The following ZSCAN30 variants were observed in gnomAD, a reference collection of about 807,000 sequenced individuals.
ZSCAN30 encodes the protein zinc finger and SCAN domain containing 30.
A neutral mutation model predicts 44.3 loss-of-function variants in ZSCAN30; 37 were observed. The observed-to-expected ratio is 0.84, with a 90% CI of 0.64 to 1.10. ZSCAN30 has a LOEUF of 1.10. Among genes scored for constraint, ZSCAN30 ranks in the 50% least tolerant of loss-of-function variants. The pLI is 0.00. For synonymous variants in ZSCAN30, 181 were observed against 204.6 expected, an observed-to-expected ratio of 0.88 and a Z score of 0.98; for missense variants, 549 against 582.6, an observed-to-expected ratio of 0.94 and a Z score of 0.59.
chr18:35,267,517 C>G (rs2044184327), intron 1 of ZSCAN30: 2 of 152,054 alleles, frequency 1.3e-5, no homozygotes, highest in Non-Finnish European at 1.5e-5. Context: ...CCCCCGGGAG[C>G]GAGAACAATG....
chr18:35,251,594 T>C lies in ZSCAN30; in HGVS notation c.*1856A>G, dbSNP rs974729148. 5 of 152,092 alleles carry C rather than the reference T, an allele frequency of 3.3e-5. No homozygotes were observed. The highest frequency in any genetic ancestry group is 7.2e-5 in the African/African-American group (3 of 41,380). 9.4% of individuals were successfully genotyped at this position (152,092 alleles called of 1,614,324 possible). Reference sequence around the variant, plus strand: ...AGGGAGGGTCGTGGTGGGAGGTGATTAGATCATGGGAGCAGATTTCCCCCT... The same window carrying C: ...AGGGAGGGTCGTGGTGGGAGGTGATCAGATCATGGGAGCAGATTTCCCCCT... On this transcript the variant is annotated 3_prime_UTR_variant, in exon 4 of 4. Coordinates refer to ENST00000333206, the MANE Select transcript of ZSCAN30 (RefSeq NM_001112734.4).
intron 3 of ZSCAN30, chr18:35,259,684 T>C (rs1468279443): frequency 6.5e-6 from 1 of 154,262 alleles, no homozygotes; most frequent in Non-Finnish European, 1.5e-5. Flanking sequence ...CTTCAACATA[T>C]GAATTTTGAA....
chr18:35,289,029 G>A (rs999604905), intron 1 of ZSCAN30, among the ~76,000 whole-genome samples: 4 of 152,114 alleles, frequency 2.6e-5, no homozygotes, highest in Non-Finnish European at 5.9e-5. Flanking sequence ...GTGCAGTGGC[G>A]CAATCTCGGC....
rs1219982630 is a variant in ZSCAN30, at chr18:35,252,297, G to C, written c.*1153C>G. On this transcript the variant is annotated 3_prime_UTR_variant, in exon 4 of 4. Transcript: ENST00000333206. ...ATACACAGGGAAAGAATGCATATCA[G>C]AGGCTAGAGAGACAGTGGGGACTGG... 2.6e-5 allele frequency: 4 copies of C among 152,188 alleles called. No individual in the cohort carries two copies. Among genetic ancestry groups the C allele is most frequent in the Non-Finnish European group, 5.9e-5 (4 of 68,076 alleles). 9.4% of individuals were successfully genotyped at this position (152,188 alleles called of 1,614,324 possible).
At chr18:35,266,755 C>T (rs1405013521) in intron 1 of ZSCAN30, 2 of 150,168 alleles carry the variant, frequency 1.3e-5, no homozygotes, top group Admixed American at 6.6e-5. Flanking sequence ...AAAGCTCCGC[C>T]TCCCGGGTTC....
At chr18:35,280,032 T>C (rs575039969) in intron 1 of ZSCAN30, among the ~76,000 whole-genome samples, 11 of 152,088 alleles carry the variant, frequency 7.2e-5, no homozygotes. Context: ...TCCCAGCAGT[T>C]TGGGAGACTG....
intron 1 of ZSCAN30, chr18:35,270,164 A>G (rs2044241823): frequency 6.6e-6 from 1 of 152,272 alleles, no homozygotes; most frequent in Non-Finnish European, 1.5e-5. Context: ...TGAAGTATCA[A>G]TTTTGGTCAA....
At chr18:35,278,024 T>C (rs2044396314) in intron 1 of ZSCAN30, among the ~76,000 whole-genome samples, 1 of 152,262 alleles carries the variant, frequency 6.6e-6, no homozygotes, top group Admixed American at 6.5e-5. Context: ...TTTTATGTTG[T>C]ACTTCACTTT....
intron 1 of ZSCAN30, among the ~76,000 whole-genome samples, chr18:35,286,620 A>G (rs1226119656): frequency 1.3e-5 from 2 of 151,952 alleles, no homozygotes; most frequent in Non-Finnish European, 2.9e-5. Context: ...AAACTTCCTC[A>G]GTCTGTTAAA....
At chr18:35,261,115 T>C (rs1475622580) in intron 3 of ZSCAN30, 1 of 152,196 alleles carries the variant, frequency 6.6e-6, no homozygotes, top group Admixed American at 6.5e-5. Context: ...GGTAATCCTT[T>C]CCCCATTGCT....
intron 1 of ZSCAN30, among the ~76,000 whole-genome samples, chr18:35,277,966 G>A (rs193242813): frequency 6.6e-6 from 1 of 152,122 alleles, no homozygotes; most frequent in Admixed American, 6.5e-5. Flanking sequence ...ACATATTAAA[G>A]CTATAATATT....
Position 35,263,675 on chromosome 18 carries a change from C to A in ZSCAN30, c.409-18G>T. Reference sequence around the variant, plus strand: ...GTTGTGTCCTAGGAGTAATCAAGTACCAGCACTATCATTCTGAGGATACAC... The same window carrying A: ...GTTGTGTCCTAGGAGTAATCAAGTAACAGCACTATCATTCTGAGGATACAC... On this transcript the variant is annotated intron_variant, in intron 2 of 3. Coordinates refer to ENST00000333206, the MANE Select transcript of ZSCAN30 (RefSeq NM_001112734.4). The A allele has an allele frequency of 6.2e-7, 1 of 1,613,528 alleles. No individual in the cohort carries two copies. The highest frequency in any genetic ancestry group is 8.5e-7 in the Non-Finnish European group (1 of 1,179,622).
At chr18:35,259,561 A>ACATCAATTATTTTGGATTAAGGC (rs1444614649) in intron 3 of ZSCAN30, 2 of 153,714 alleles carry the variant, frequency 1.3e-5, no homozygotes, top group African/African-American at 4.8e-5. Flanking sequence ...TCTTTTAAGG[A>ACATCAATTATTTTGGATTAAGGC]CATCAATTAT....
chr18:35,287,567 C>T (rs1183206463), intron 1 of ZSCAN30, among the ~76,000 whole-genome samples: 22 of 107,002 alleles, frequency 2.1e-4, no homozygotes, highest in African/African-American at 7.6e-4. Context: ...ACTGAATATC[C>T]ACATACCAAA....
In ZSCAN30 at chr18:35,268,252, T is replaced by TA. The variant is rs572159590; in HGVS notation, c.-103-3798dup. 4 of 152,328 alleles carry TA rather than the reference T, an allele frequency of 2.6e-5. No individual in the cohort carries two copies. In the East Asian group the frequency reaches 7.7e-4, roughly 29 times the overall value. 9.4% of individuals were successfully genotyped at this position (152,328 alleles called of 1,614,324 possible). A position where few individuals can be genotyped will look rare whatever the true frequency, so the allele number is the denominator to read the frequency against. On this transcript the variant is annotated intron_variant, in intron 1 of 3. Transcript: ENST00000333206. The stretch of plus-strand genomic sequence containing the variant: ...AGTGTCAAATACCAGGCTCAGGTGT[T>TA]AGAAATGCATTGAATCATCAGTGCA...
At chr18:35,255,938 T>A (rs1205387746) in intron 3 of ZSCAN30, 1 of 152,732 alleles carries the variant, frequency 6.5e-6, no homozygotes. Flanking sequence ...CCCAACAACC[T>A]AATGAGAAAT....
chr18:35,256,491 G>A (rs1364642743), intron 3 of ZSCAN30, among the ~76,000 whole-genome samples: 1 of 151,960 alleles, frequency 6.6e-6, no homozygotes. Context: ...AACCAGGGAC[G>A]TGGAGGTTGC....
chr18:35,289,959 C>G (rs183890770), intron 1 of ZSCAN30, 125 bp downstream of exon 1: 1 of 152,078 alleles, frequency 6.6e-6, no homozygotes, highest in African/African-American at 2.4e-5. Flanking sequence ...GTGTGAAAAA[C>G]CAGAGAGGAC....
At chr18:35,273,569 C>G (rs940692791) in intron 1 of ZSCAN30, among the ~76,000 whole-genome samples, 4 of 152,178 alleles carry the variant, frequency 2.6e-5, no homozygotes, top group Non-Finnish European at 4.4e-5. Context: ...CAACTTCATT[C>G]CATTGTATGT....
Sources: allele counts gnomAD v4.1 joint callset (sites outside exome capture counted in the v4.1 genomes callset), GRCh38; gene constraint gnomAD v4.1.1; transcripts MANE v1.5; gene names NCBI Gene and HGNC (gene_info 2026-07-23, HGNC 2026-07-21).